The following PPARGC1A variants were observed in gnomAD, a reference collection of about 807,000 sequenced individuals.
PPARGC1A encodes the protein PPARG coactivator 1 alpha, also known as peroxisome proliferator-activated receptor gamma coactivator 1-alpha.
In PPARGC1A, 25 loss-of-function variants were observed where a neutral mutation model predicts 88.7. That is an observed-to-expected ratio of 0.28 (90% CI 0.21 to 0.39). The LOEUF (loss-of-function observed/expected upper bound fraction) is 0.39. Ranked by LOEUF, PPARGC1A falls within the 10% of genes least tolerant of loss-of-function variation. PPARGC1A has a pLI of 1.00. For synonymous variants in PPARGC1A, 363 were observed against 355.6 expected (o/e 1.02, Z -0.24); for missense variants, 880 against 968.7 (o/e 0.91, Z 1.22).
chr4:23,859,261 A>T (rs1408333106), intron 2 of PPARGC1A, among the ~76,000 whole-genome samples: 1 of 152,170 alleles, frequency 6.6e-6, no homozygotes, highest in Admixed American at 6.5e-5. Context: ...CCAAGACAAG[A>T]TTCTTAAAGA....
At chr4:24,027,207 G>GTGTGTGTGTC in the PPARGC1A span, among the ~76,000 whole-genome samples, 9 of 142,326 alleles carry the variant, frequency 6.3e-5, no homozygotes, top group Non-Finnish European at 1.4e-4. Context: ...GTGTGTGTGT[G>GTGTGTGTGTC]TGTGTGTGTG....
At chr4:24,414,925 C>T in the PPARGC1A span, among the ~76,000 whole-genome samples, 1 of 152,274 alleles carries the variant, frequency 6.6e-6, no homozygotes, top group African/African-American at 2.4e-5. Flanking sequence ...CATGGTGGCT[C>T]ATGCCTGTAA....
At chr4:24,472,014 C>T in the PPARGC1A span, among the ~76,000 whole-genome samples, 1 of 152,176 alleles carries the variant, frequency 6.6e-6, no homozygotes, top group African/African-American at 2.4e-5. This position sits in a 1 kb window ranked among gnomAD's most constrained non-coding sequence, Gnocchi z 4.5. Flanking sequence ...GGCGCGGCGC[C>T]CGCGGCGACT....
At chr4:24,434,104 C>T in the PPARGC1A span, among the ~76,000 whole-genome samples, 2 of 151,994 alleles carry the variant, frequency 1.3e-5, no homozygotes, top group African/African-American at 4.8e-5. Flanking sequence ...GCTCTCTCTA[C>T]CCAAAAGAGG....
At chr4:24,402,422 A>G in the PPARGC1A span, among the ~76,000 whole-genome samples, 1 of 152,202 alleles carries the variant, frequency 6.6e-6, no homozygotes, top group Non-Finnish European at 1.5e-5. Flanking sequence ...TCCATTGGCC[A>G]GGTGGTGCTA....
At chr4:24,083,403 G>C in the PPARGC1A span, among the ~76,000 whole-genome samples, 6 of 152,130 alleles carry the variant, frequency 3.9e-5, no homozygotes, top group Non-Finnish European at 5.9e-5. Flanking sequence ...CCTCTCCCCA[G>C]TGCCTGTCAC....
chr4:23,944,908 A>G, the PPARGC1A span, among the ~76,000 whole-genome samples: 6 of 152,192 alleles, frequency 3.9e-5, no homozygotes, highest in African/African-American at 1.4e-4. Flanking sequence ...AGTCTCAGGT[A>G]TGTCTTTATT....
chr4:24,257,252 T>C, the PPARGC1A span, among the ~76,000 whole-genome samples: 5 of 152,148 alleles, frequency 3.3e-5, no homozygotes, highest in Non-Finnish European at 7.4e-5. Context: ...TAGGGCTAGA[T>C]GAGACATATA....
At chr4:24,403,673 C>T in the PPARGC1A span, among the ~76,000 whole-genome samples, 3 of 152,206 alleles carry the variant, frequency 2.0e-5, no homozygotes, top group South Asian at 4.1e-4. Flanking sequence ...CTCTTAGGCT[C>T]ATGTTGTTTT....
At chr4:24,325,721 T>C in the PPARGC1A span, among the ~76,000 whole-genome samples, 1 of 152,178 alleles carries the variant, frequency 6.6e-6, no homozygotes, top group Non-Finnish European at 1.5e-5. Context: ...CCACCACAGA[T>C]GCCGAGCTTT....
chr4:24,276,933 C>A, the PPARGC1A span, among the ~76,000 whole-genome samples: 2 of 152,168 alleles, frequency 1.3e-5, no homozygotes, highest in Non-Finnish European at 2.9e-5. Flanking sequence ...GAATATCAAG[C>A]GTCAGGCACC....
At chr4:23,866,915 G>A (rs767222267) in intron 2 of PPARGC1A, among the ~76,000 whole-genome samples, 1 of 152,088 alleles carries the variant, frequency 6.6e-6, no homozygotes, top group Non-Finnish European at 1.5e-5. Context: ...AAAACCTAAT[G>A]AGCCATTGAA....
intron 4 of PPARGC1A, 53 bp from the exon 5 acceptor site, chr4:23,828,657 A>G (rs1724451371): frequency 6.5e-7 from 1 of 1,535,186 alleles, no homozygotes; most frequent in Non-Finnish European, 9.0e-7. Flanking sequence ...ACCTTATCAG[A>G]ATGGATATAG....
At chr4:24,277,381 C>T in the PPARGC1A span, among the ~76,000 whole-genome samples, 2 of 152,226 alleles carry the variant, frequency 1.3e-5, no homozygotes, top group Admixed American at 1.3e-4. Context: ...ATACAGTGGG[C>T]CCCCAACTGT....
the PPARGC1A span, among the ~76,000 whole-genome samples, chr4:23,943,159 A>G: frequency 1.9e-3 from 285 of 152,286 alleles, 1 homozygote; most frequent in Non-Finnish European, 3.1e-3. Flanking sequence ...TCATTGTAAA[A>G]TAAGTAAGTA....
the PPARGC1A span, among the ~76,000 whole-genome samples, chr4:24,021,405 T>A: frequency 6.6e-6 from 1 of 152,218 alleles, no homozygotes. Flanking sequence ...ATATGTTTAT[T>A]CATTCCTTCC....
the PPARGC1A span, among the ~76,000 whole-genome samples, chr4:24,149,400 A>C: frequency 6.6e-6 from 1 of 151,738 alleles, no homozygotes; most frequent in Admixed American, 6.6e-5. Context: ...CTTCTATGAC[A>C]ATCTTCTAAT....
chr4:24,135,596 C>A, the PPARGC1A span, among the ~76,000 whole-genome samples: 144 of 152,182 alleles, frequency 9.5e-4, no homozygotes, highest in Middle Eastern at 3.4e-3. Flanking sequence ...AGTTTGACTC[C>A]CTGTTCTCCT....
chr4:24,262,540 C>T, the PPARGC1A span, among the ~76,000 whole-genome samples: 3 of 152,160 alleles, frequency 2.0e-5, no homozygotes, highest in African/African-American at 7.2e-5. Context: ...TTTGCTCTTA[C>T]CTATGCACCA....
Sources: allele counts gnomAD v4.1 joint callset (sites outside exome capture counted in the v4.1 genomes callset), GRCh38; gene constraint gnomAD v4.1.1; non-coding constraint Gnocchi (gnomAD v3.1); transcripts MANE v1.5; gene names NCBI Gene and HGNC (gene_info 2026-07-23, HGNC 2026-07-21).